OTOA: variants seen among roughly 807,000 people sequenced by gnomAD.
The protein encoded by OTOA is cancer/testis antigen 108.
OTOA carries 70 observed loss-of-function variants against 110.8 expected under a neutral mutation model. The observed-to-expected ratio is 0.63, with a 90% confidence interval of 0.52 to 0.77. The LOEUF (loss-of-function observed/expected upper bound fraction) is 0.77, where lower values mean the gene tolerates loss of function less well. Among genes scored for constraint, OTOA ranks in the 30% least tolerant of loss-of-function variants. The probability of loss-of-function intolerance (pLI) is 0.00; values close to 1 mark genes in which losing one functional copy is unlikely to be tolerated. For missense variants in OTOA, 917 were observed against 1,075.8 expected (o/e 0.85, Z 2.06); for synonymous variants, 373 against 431.5 (o/e 0.86, Z 1.68).
At chr16:21,706,570 GCT>G (rs1215974342) in intron 12 of OTOA, among the ~76,000 whole-genome samples, 2 of 152,168 alleles carry the variant, frequency 1.3e-5, no homozygotes, top group African/African-American at 4.8e-5. Flanking sequence ...GAGCAAACAC[GCT>G]CTCTCTCATT....
chr16:21,677,215 G>T lies in OTOA; in HGVS notation c.-4-1296G>T, dbSNP rs139323998. Among the ~76,000 whole-genome samples, 174 of 152,156 alleles carry T rather than the reference G, an allele frequency of 1.1e-3. 1 individual carries two copies. Among genetic ancestry groups the T allele is most frequent in the Non-Finnish European group, 5.7e-4 (39 of 68,006 alleles). On this transcript the variant is annotated intron_variant, in intron 1 of 28. Transcript: ENST00000646100. Reference sequence around the variant, plus strand: ...TCTCTTGCTTAAATACCTAGGGGTGGCATTTCTTGATCATAGGGTATTGTA... The same window carrying T: ...TCTCTTGCTTAAATACCTAGGGGTGTCATTTCTTGATCATAGGGTATTGTA...
chr16:21,713,238 A>G (rs960604227), intron 13 of OTOA, among the ~76,000 whole-genome samples: 2 of 152,176 alleles, frequency 1.3e-5, no homozygotes, highest in Admixed American at 6.5e-5. Context: ...GAGAAGGAGT[A>G]GGGAATTTCT....
At chr16:21,710,918 G>C (rs1197370304) in intron 13 of OTOA, among the ~76,000 whole-genome samples, 1 of 152,160 alleles carries the variant, frequency 6.6e-6, no homozygotes, top group Non-Finnish European at 1.5e-5. Flanking sequence ...CAGGAGGATG[G>C]CTTGAACCTG....
intron 1 of OTOA, among the ~76,000 whole-genome samples, chr16:21,668,909 A>G (rs1966845522): frequency 6.6e-6 from 1 of 152,070 alleles, no homozygotes; most frequent in African/African-American, 2.4e-5. Context: ...AGTTTTCCAC[A>G]GTCTTGATTT....
At chr16:21,756,774 C>T (rs550812226) in intron 27 of OTOA, among the ~76,000 whole-genome samples, 29 of 151,402 alleles carry the variant, frequency 1.9e-4, no homozygotes, top group Non-Finnish European at 4.1e-4. Flanking sequence ...ATATTGTTGG[C>T]GGACAAATCT....
chr16:21,687,759 C>T (rs1236319926), intron 8 of OTOA, 111 bp downstream of exon 8: 9 of 963,154 alleles, frequency 9.3e-6, no homozygotes, highest in African/African-American at 1.6e-5. Context: ...CCTCTGCCTC[C>T]CAGGTTCAAG....
In OTOA at chr16:21,679,074, G is replaced by A. The variant is rs552163112; in HGVS notation, c.151+8G>A. 4 of 1,613,682 alleles carry A rather than the reference G, an allele frequency of 2.5e-6. No homozygotes were observed. The South Asian group carries it at 4.4e-5, about 18-fold the overall frequency. Reference sequence around the variant, plus strand: ...ATGGAAGCTATCTGAATGGTAATGTGCCCCCTTGATCTCCACTTGCTTCTT... The same window carrying A: ...ATGGAAGCTATCTGAATGGTAATGTACCCCCTTGATCTCCACTTGCTTCTT... On this transcript the variant is annotated splice_region_variant and intron_variant, in intron 4 of 28. Transcript: ENST00000646100.
chr16:21,734,417 G>T lies in OTOA; in HGVS notation c.2302-1844G>T, dbSNP rs1429636650. Among the ~76,000 whole-genome samples the T allele has an allele frequency of 3.3e-5, 5 of 150,440 alleles. No homozygotes were observed. In the Admixed American group the frequency reaches 3.3e-4, roughly 10 times the overall value. ...GAGAAGATCAGCAAAAATAACTAAT[G>T]GGTACTAGGCTTAATACCTGGGTGA... On this transcript the variant is annotated intron_variant, in intron 21 of 28. Transcript: ENST00000646100.
intron 12 of OTOA, among the ~76,000 whole-genome samples, chr16:21,707,752 C>T (rs1219529834): frequency 8.5e-6 from 1 of 117,494 alleles, no homozygotes; most frequent in Non-Finnish European, 1.8e-5. Flanking sequence ...TTCTTTCCTC[C>T]TTCCCTCCCT....
At chr16:21,671,695 T>A (rs1252166370) in intron 1 of OTOA, among the ~76,000 whole-genome samples, 1 of 152,008 alleles carries the variant, frequency 6.6e-6, no homozygotes, top group African/African-American at 2.4e-5. Flanking sequence ...GGTGACTGGC[T>A]CCACAGTCCA....
chr16:21,726,615 C>T lies in OTOA; in HGVS notation c.1973C>T (p.Ser658Phe). Residue 658 changes from serine to phenylalanine, a missense_variant, in exon 19 of 29, where the codon TCC becomes TTC. By Grantham distance (155) the Ser-to-Phe change is radical (BLOSUM62 -2). Transcript: ENST00000646100. ...KSWLDSLVLDSHKKTSVLRKV... is the reference protein window; with the variant it reads ...KSWLDSLVLDFHKKTSVLRKV... ...TGGTTGGACTCCTTGGTTTTAGATT[C>T]CCACAAAAAGACTTCAGTCCTCAGG... The T allele has an allele frequency of 6.2e-7, 1 of 1,614,018 alleles. No homozygotes were observed. The highest frequency in any genetic ancestry group is 8.5e-7 in the Non-Finnish European group (1 of 1,179,994).
chr16:21,728,357 C>A lies in OTOA; in HGVS notation c.2133C>A (p.His711Gln). ...ISPRAWATALHGLRDCPDLNP... is the reference protein window; with the variant it reads ...ISPRAWATALQGLRDCPDLNP... The stretch of plus-strand genomic sequence containing the variant: ...CCAGGGCTTGGGCGACTGCTCTACA[C>A]GGCCTCAGAGACTGCCCAGACCTCA... The change falls in exon 20 of 29, where the codon CAC (histidine) becomes CAA (glutamine). Residue 711 changes from histidine (H) to glutamine (Q), a missense_variant. By Grantham distance (24) the His-to-Gln change is conservative. Transcript: ENST00000646100. The A allele has an allele frequency of 1.2e-6, 2 of 1,614,152 alleles. No individual in the cohort carries two copies. Among genetic ancestry groups the A allele is most frequent in the Non-Finnish European group, 1.7e-6 (2 of 1,180,018 alleles).
At chr16:21,669,349 C>CA (rs1229443980) in intron 1 of OTOA, among the ~76,000 whole-genome samples, 1 of 151,780 alleles carries the variant, frequency 6.6e-6, no homozygotes, top group East Asian at 1.9e-4. Context: ...TCCCCCACCC[C>CA]AAAAAAACCC....
Position 21,701,046 on chromosome 16 carries a change from G to A in OTOA, c.980+19G>A, listed in dbSNP as rs763441237. 1 of 1,614,046 alleles carries A rather than the reference G, an allele frequency of 6.2e-7. No individual in the cohort carries two copies. Among genetic ancestry groups the A allele is most frequent in the African/African-American group, 1.3e-5 (1 of 75,032 alleles). ...TCCACAGGCAAGCGCATGAGCTCTG[G>A]GCCTTGGAGCCCTTTCCCAAGATGT... On this transcript the variant is annotated intron_variant, in intron 11 of 28. Coordinates refer to ENST00000646100, the MANE Select transcript of OTOA (RefSeq NM_144672.4).
intron 9 of OTOA, among the ~76,000 whole-genome samples, chr16:21,692,927 C>CAAAAAAAAAAAAAAA (rs34170544): frequency 1.0e-5 from 1 of 97,090 alleles, no homozygotes; most frequent in Non-Finnish European, 1.9e-5. Flanking sequence ...GACTCTGTCT[C>CAAAAAAAAAAAAAAA]AAAAAAAAAA....
At chr16:21,687,704 GT>G (rs2141661335) in intron 8 of OTOA, 56 bp downstream of exon 8, 1 of 1,445,934 alleles carries the variant, frequency 6.9e-7, no homozygotes, top group African/African-American at 1.5e-5. Flanking sequence ...GTTTCACTCT[GT>G]CGCCCAGGTT....
At chr16:21,722,462 G>A (rs989111734) in intron 17 of OTOA, among the ~76,000 whole-genome samples, 3 of 150,338 alleles carry the variant, frequency 2.0e-5, no homozygotes. Flanking sequence ...TACAATATGA[G>A]CCCATTTGTG....
Position 21,710,121 on chromosome 16 carries a change from A to G in OTOA, c.1320+18A>G, listed in dbSNP as rs373919371. On this transcript the variant is annotated intron_variant, in intron 13 of 28. Transcript: ENST00000646100. ...ATGAGAAGGTCAGCTGGAGTTTTAA[A>G]CTCTTTTTTATTCCCCTAAGATGAC... The G allele has an allele frequency of 1.3e-5, 21 of 1,588,442 alleles. No homozygotes were observed. The highest frequency in any genetic ancestry group is 1.0e-4 in the South Asian group (9 of 88,260).
chr16:21,687,925 A>G (rs1897752480), intron 8 of OTOA, among the ~76,000 whole-genome samples: 1 of 151,820 alleles, frequency 6.6e-6, no homozygotes, highest in African/African-American at 2.4e-5. Flanking sequence ...TGGCCTCCCA[A>G]AGTGCTTGGA....
Sources: allele counts gnomAD v4.1 joint callset (sites outside exome capture counted in the v4.1 genomes callset), GRCh38; gene constraint gnomAD v4.1.1; transcripts MANE v1.5; gene names NCBI Gene and HGNC (gene_info 2026-07-23, HGNC 2026-07-21).